Variants in EPC2 observed in about 807,000 individuals in gnomAD.
EPC2 encodes the protein enhancer of polycomb 2.
Under a neutral mutation model 92.1 loss-of-function variants are expected in EPC2, and 14 were observed. The ratio of observed to expected loss-of-function variants is 0.15; its 90% CI spans 0.10 to 0.24. The LOEUF is 0.24. Ranked by LOEUF, EPC2 falls within the 10% of genes least tolerant of loss-of-function variation. EPC2 has a pLI of 1.00. For synonymous variants in EPC2, 340 were observed against 334.7 expected (o/e 1.02, Z -0.17); for missense variants, 755 against 971.5 (o/e 0.78, Z 2.96).
chr2:148,760,842 A>G (rs1043598469), intron 4 of EPC2, among the ~76,000 whole-genome samples: 3 of 152,206 alleles, frequency 2.0e-5, no homozygotes, highest in Non-Finnish European at 2.9e-5. Context: ...TAATCCTCCA[A>G]TATGAAACCT....
chr2:148,761,998 G>C (rs528219708), intron 5 of EPC2, 68 bp downstream of exon 5: 3 of 1,306,606 alleles, frequency 2.3e-6, no homozygotes, highest in Non-Finnish European at 3.1e-6. Context: ...TGAACCAAAA[G>C]ATTTTTAGGG....
chr2:148,726,765 G>GTTTTTTTTTTTTTTTTTGTTTTTT (rs201293391), intron 2 of EPC2, among the ~76,000 whole-genome samples: 2 of 100,608 alleles, frequency 2.0e-5, no homozygotes, highest in Admixed American at 1.0e-4. Flanking sequence ...TTTGTTTTTT[G>GTTTTTTTTTTTTTTTTTGTTTTTT]TTTTTTTTTT....
At chr2:148,664,979 A>G (rs1681030518) in intron 1 of EPC2, among the ~76,000 whole-genome samples, 1 of 152,224 alleles carries the variant, frequency 6.6e-6, no homozygotes, top group African/African-American at 2.4e-5. Flanking sequence ...TACATTTAAA[A>G]GGTTTAACTT....
At chr2:148,683,864 T>G (rs1409276976) in intron 1 of EPC2, among the ~76,000 whole-genome samples, 1 of 152,244 alleles carries the variant, frequency 6.6e-6, no homozygotes, top group African/African-American at 2.4e-5. Context: ...TAATGATTTC[T>G]TTTCCTTTGG....
intron 1 of EPC2, among the ~76,000 whole-genome samples, chr2:148,659,102 G>C (rs760392061): frequency 6.6e-6 from 1 of 152,042 alleles, no homozygotes; most frequent in African/African-American, 2.4e-5. Flanking sequence ...CAAATTTATG[G>C]CAGAATAAAA....
At chr2:148,679,349 A>G (rs560051553) in intron 1 of EPC2, among the ~76,000 whole-genome samples, 1 of 152,198 alleles carries the variant, frequency 6.6e-6, no homozygotes, top group Non-Finnish European at 1.5e-5. Flanking sequence ...AGAGCAAATC[A>G]CCTGTTTCTT....
intron 2 of EPC2, among the ~76,000 whole-genome samples, chr2:148,704,780 G>T (rs1412708939): frequency 4.6e-5 from 7 of 152,180 alleles, no homozygotes; most frequent in Non-Finnish European, 1.5e-5. Context: ...GCCCAGAGTT[G>T]GAGGCAAATT....
intron 1 of EPC2, among the ~76,000 whole-genome samples, chr2:148,687,622 C>A (rs548482258): frequency 1.3e-5 from 2 of 152,264 alleles, no homozygotes; most frequent in South Asian, 4.1e-4. Flanking sequence ...GAGATGCTGA[C>A]TATGATGTAG....
intron 1 of EPC2, among the ~76,000 whole-genome samples, chr2:148,681,159 A>G (rs1022005305): frequency 9.9e-5 from 15 of 152,226 alleles, no homozygotes; most frequent in African/African-American, 3.4e-4. Context: ...CAGTGGAAGA[A>G]GGAGGCAGAA....
chr2:148,724,787 G>A (rs185626860), intron 2 of EPC2, among the ~76,000 whole-genome samples: 5 of 152,102 alleles, frequency 3.3e-5, no homozygotes, highest in Admixed American at 3.3e-4. Flanking sequence ...AGGAACTGTT[G>A]ATAGAGATGT....
intron 1 of EPC2, among the ~76,000 whole-genome samples, chr2:148,647,105 G>T (rs529378829): frequency 6.6e-6 from 1 of 151,854 alleles, no homozygotes; most frequent in Non-Finnish European, 1.5e-5. Flanking sequence ...GCGAGACTCC[G>T]TCCCCCCCAA....
rs538980567 is a variant in EPC2 at position 148,732,090 on chromosome 2, G to A, written c.314-11532G>A. ...TGAATGTCAGTACTACATGGAAGTT[G>A]TCCAGGCTCTCTTATGGTTTTTCCT... On this transcript the variant is annotated intron_variant, in intron 2 of 13. Transcript: ENST00000258484. Among the ~76,000 whole-genome samples the A allele has an allele frequency of 3.3e-5, 5 of 152,298 alleles. No individual in the cohort carries two copies. The South Asian group carries it at 1.0e-3, about 32-fold the overall frequency.
rs1018801334 is a variant in EPC2, at chr2:148,692,631, A to G, written c.313+2258A>G. 9 of 152,274 alleles carry G rather than the reference A, an allele frequency of 5.9e-5. No individual in the cohort carries two copies. The East Asian group carries it at 1.4e-3, about 23-fold the overall frequency. The allele number at this position is 152,274 out of a possible 1,614,324, so 9.4% of individuals were successfully genotyped here. ...CTTTTTGAATTTGCCTTTACCTTCTATCAGTCAGGAAGGAGATAACTATTC... is the reference window on the plus strand; with the variant it reads ...CTTTTTGAATTTGCCTTTACCTTCTGTCAGTCAGGAAGGAGATAACTATTC... On this transcript the variant is annotated intron_variant, in intron 2 of 13. Coordinates refer to ENST00000258484, the MANE Select transcript of EPC2 (RefSeq NM_015630.4).
chr2:148,784,364 G>A (rs528377147), intron 12 of EPC2, among the ~76,000 whole-genome samples: 1 of 152,222 alleles, frequency 6.6e-6, no homozygotes. Flanking sequence ...TACATACTTA[G>A]GGAAACCCAA....
At chr2:148,706,182 G>A (rs573105861) in intron 2 of EPC2, among the ~76,000 whole-genome samples, 31 of 152,278 alleles carry the variant, frequency 2.0e-4, no homozygotes, top group African/African-American at 7.2e-4. Context: ...TGAAAACCAT[G>A]GCACGAGAGC....
intron 1 of EPC2, chr2:148,645,414 G>A: frequency 2.3e-6 from 1 of 444,292 alleles, no homozygotes; most frequent in Non-Finnish European, 4.0e-6. Flanking sequence ...GCTGCCGTAA[G>A]GGGGCCTTGC....
chr2:148,724,484 A>T (rs974356985), intron 2 of EPC2, among the ~76,000 whole-genome samples: 6 of 152,078 alleles, frequency 3.9e-5, no homozygotes, highest in African/African-American at 1.4e-4. Flanking sequence ...AATTTTTTTT[A>T]AAGTCTCGTT....
chr2:148,758,638 T>C (rs2105420468), intron 4 of EPC2, among the ~76,000 whole-genome samples: 1 of 152,202 alleles, frequency 6.6e-6, no homozygotes, highest in East Asian at 1.9e-4. Flanking sequence ...TCAAGTGATC[T>C]GCCCGCCTCG....
chr2:148,760,999 A>T (rs921144475), intron 4 of EPC2, among the ~76,000 whole-genome samples: 2 of 152,214 alleles, frequency 1.3e-5, no homozygotes, highest in Non-Finnish European at 1.5e-5. Flanking sequence ...GCCTAATAGT[A>T]AAGTGAGGAA....
Sources: allele counts gnomAD v4.1 joint callset (sites outside exome capture counted in the v4.1 genomes callset), GRCh38; gene constraint gnomAD v4.1.1; transcripts MANE v1.5; gene names NCBI Gene and HGNC (gene_info 2026-07-23, HGNC 2026-07-21).